TSHR: variants seen among roughly 807,000 people sequenced by gnomAD.
The protein encoded by TSHR is thyrotropin receptor.
In TSHR, 51 loss-of-function variants were observed where a neutral mutation model predicts 64.1. The observed-to-expected ratio is 0.80, with a 90% confidence interval of 0.64 to 1.01. The LOEUF is 1.01. Ranked by LOEUF, TSHR falls within the 50% of genes least tolerant of loss-of-function variation. The pLI is 0.00. For synonymous variants in TSHR, 361 were observed against 361.9 expected, an observed-to-expected ratio of 1.00 and a Z score of 0.03; for missense variants, 877 against 942.8, an observed-to-expected ratio of 0.93 and a Z score of 0.91.
rs781571924 is a variant in TSHR at position 81,103,672 on chromosome 14, A to C, written c.615-4703A>C. 1.9e-5 allele frequency: 19 copies of C among 985,490 alleles called. No homozygotes were observed. The highest frequency in any genetic ancestry group is 2.3e-5 in the Non-Finnish European group (19 of 829,938). The allele number at this position is 985,490 out of a possible 1,614,324, so 61.0% of individuals were successfully genotyped here. A position where few individuals can be genotyped will look rare whatever the true frequency, so the allele number is the denominator to read the frequency against. On this transcript the variant is annotated intron_variant, in intron 7 of 9. Transcript: ENST00000298171. The surrounding 1 kb of genome is among the most constrained non-coding windows in gnomAD (Gnocchi z 4.1). ...ATCACTCAGAGGTGAAATTAATAAT[A>C]ATACAAGCATCCCTTGCTCAACAGA... is the stretch of plus-strand genomic sequence containing the variant.
chr14:81,038,881 C>A (rs1301153469), intron 1 of TSHR, among the ~76,000 whole-genome samples: 1 of 151,262 alleles, frequency 6.6e-6, no homozygotes, highest in Non-Finnish European at 1.5e-5. Context: ...TAATGAGTAA[C>A]AAGATTCAAT....
intron 7 of TSHR, among the ~76,000 whole-genome samples, chr14:81,097,875 G>A (rs751926844): frequency 7.2e-5 from 11 of 152,086 alleles, no homozygotes; most frequent in Non-Finnish European, 1.5e-4. Flanking sequence ...TCTCTCGATT[G>A]TCTGGTTGTG....
At chr14:81,089,440 A>G (rs1474202455) in intron 4 of TSHR, among the ~76,000 whole-genome samples, 1 of 152,186 alleles carries the variant, frequency 6.6e-6, no homozygotes, top group Non-Finnish European at 1.5e-5. Flanking sequence ...CAAATAATAC[A>G]ATAACCCTTT....
At chr14:81,014,972 A>G (rs753547419) in intron 1 of TSHR, among the ~76,000 whole-genome samples, 1 of 152,138 alleles carries the variant, frequency 6.6e-6, no homozygotes, top group African/African-American at 2.4e-5. Flanking sequence ...TTTCATTTCA[A>G]TTCCATGGGC....
chr14:81,026,344 GTA>G (rs1209285259), intron 1 of TSHR, among the ~76,000 whole-genome samples: 2 of 152,166 alleles, frequency 1.3e-5, no homozygotes, highest in Middle Eastern at 3.2e-3. Context: ...ATACTTGTGT[GTA>G]TGTGTGTGTG....
chr14:81,143,706 T>C lies in TSHR; in HGVS notation c.1648T>C (p.Phe550Leu). Reference protein sequence around the residue: ...AIMVGGWVCCFLLALLPLVGI... With the variant: ...AIMVGGWVCCLLLALLPLVGI... Reference sequence around the variant, plus strand: ...CATGGTTGGGGGCTGGGTTTGCTGCTTCCTTCTCGCCCTGCTTCCTTTGGT... The same window carrying C: ...CATGGTTGGGGGCTGGGTTTGCTGCCTCCTTCTCGCCCTGCTTCCTTTGGT... The change falls in exon 10 of 10, where the codon TTC becomes CTC. Residue 550 changes from phenylalanine to leucine, a missense_variant. Physicochemically the swap from Phe to Leu is conservative, Grantham distance 22. Transcript: ENST00000298171. 6.2e-7 allele frequency: 1 copy of C among 1,614,188 alleles called. No individual in the cohort carries two copies. Among genetic ancestry groups the C allele is most frequent in the South Asian group, 1.1e-5 (1 of 91,088 alleles).
intron 1 of TSHR, among the ~76,000 whole-genome samples, chr14:81,008,198 A>C (rs1403904302): frequency 6.9e-6 from 1 of 144,398 alleles, no homozygotes. Context: ...TTTGAGATGG[A>C]GTCTCGCTCT....
At chr14:81,006,899 A>G (rs1052210769) in intron 1 of TSHR, among the ~76,000 whole-genome samples, 1 of 152,190 alleles carries the variant, frequency 6.6e-6, no homozygotes, top group Non-Finnish European at 1.5e-5. Context: ...CTAACACCTT[A>G]TTATTAATGC....
At chr14:81,073,010 AAT>A (rs1317689015) in intron 3 of TSHR, among the ~76,000 whole-genome samples, 1 of 53,474 alleles carries the variant, frequency 1.9e-5, no homozygotes, top group African/African-American at 5.0e-5. Context: ...AAAAAAAAAA[AAT>A]AAAAAATAAA....
intron 1 of TSHR, chr14:80,983,485 A>G: frequency 7.4e-7 from 1 of 1,358,658 alleles, no homozygotes; most frequent in South Asian, 1.2e-5. Flanking sequence ...TTTAACCATA[A>G]AGAGGCAAAA....
intron 1 of TSHR, among the ~76,000 whole-genome samples, chr14:81,011,123 C>T (rs757436064): frequency 5.3e-5 from 8 of 152,282 alleles, no homozygotes; most frequent in African/African-American, 1.4e-4. Context: ...CTTTCTTGTA[C>T]GATCCAGGCC....
intron 1 of TSHR, among the ~76,000 whole-genome samples, chr14:80,974,929 C>G (rs1047505211): frequency 3.0e-4 from 46 of 152,254 alleles, no homozygotes; most frequent in African/African-American, 9.9e-4. Context: ...TGTGAAAGGA[C>G]TACTTACACA....
At position 81,146,160 on chromosome 14, in the gene TSHR, T is replaced by A. The variant is rs183029344; in HGVS notation, c.*1807T>A. On this transcript the variant is annotated 3_prime_UTR_variant, in exon 10 of 10. Coordinates refer to ENST00000298171, the MANE Select transcript of TSHR (RefSeq NM_000369.5). ...TCCTGTGACATTTCAAAATATCACA[T>A]CTTGATAAATAATGTGTTTCATCTT... 510 of 226,284 alleles carry A rather than the reference T, an allele frequency of 2.3e-3. No homozygotes were observed. Among genetic ancestry groups the A allele is most frequent in the Admixed American group, 3.1e-3 (55 of 17,576 alleles). 14.0% of individuals were successfully genotyped at this position (226,284 alleles called of 1,614,324 possible). A position where few individuals can be genotyped will look rare whatever the true frequency, so the allele number is the denominator to read the frequency against.
intron 3 of TSHR, among the ~76,000 whole-genome samples, chr14:81,070,185 T>G (rs1886955514): frequency 6.6e-6 from 1 of 151,986 alleles, no homozygotes; most frequent in South Asian, 2.1e-4. Context: ...AGAAAAGCAA[T>G]ATTTGAAAGC....
At chr14:81,113,355 T>A (rs1049209296) in intron 8 of TSHR, among the ~76,000 whole-genome samples, 9 of 152,230 alleles carry the variant, frequency 5.9e-5, no homozygotes, top group Admixed American at 2.6e-4. Flanking sequence ...GAGATCACTA[T>A]TTCCTGAGAT....
At chr14:81,115,218 G>A (rs908285770) in intron 8 of TSHR, among the ~76,000 whole-genome samples, 5 of 151,906 alleles carry the variant, frequency 3.3e-5, no homozygotes, top group East Asian at 1.9e-4. Context: ...GGCTTCAGAC[G>A]ATCAAATTAC....
intron 4 of TSHR, among the ~76,000 whole-genome samples, chr14:81,088,356 G>T (rs368142982): frequency 1.3e-4 from 20 of 152,108 alleles, no homozygotes; most frequent in African/African-American, 4.3e-4. Context: ...TTGAAAATGG[G>T]TATCACAACA....
At chr14:81,005,872 G>C (rs570749446) in intron 1 of TSHR, among the ~76,000 whole-genome samples, 2 of 152,286 alleles carry the variant, frequency 1.3e-5, no homozygotes, top group African/African-American at 4.8e-5. Context: ...ATAGTAACGG[G>C]TCCTTTGATT....
intron 1 of TSHR, among the ~76,000 whole-genome samples, chr14:81,060,216 A>G (rs750535367): frequency 6.6e-6 from 1 of 152,168 alleles, no homozygotes; most frequent in Non-Finnish European, 1.5e-5. Flanking sequence ...CGACAGCTCT[A>G]TGAGTAAGAC....
Sources: allele counts gnomAD v4.1 joint callset (sites outside exome capture counted in the v4.1 genomes callset), GRCh38; gene constraint gnomAD v4.1.1; non-coding constraint Gnocchi (gnomAD v3.1); transcripts MANE v1.5; gene names NCBI Gene and HGNC (gene_info 2026-07-23, HGNC 2026-07-21).